The following PRKG1 variants were observed in gnomAD, a reference collection of about 807,000 sequenced individuals.
PRKG1 encodes the protein cGMP-dependent protein kinase 1.
In PRKG1, 35 loss-of-function variants were observed where a neutral mutation model predicts 88.1. That is an observed-to-expected ratio of 0.40 (90% CI 0.30 to 0.53). The LOEUF (loss-of-function observed/expected upper bound fraction) is 0.53, where lower values mean the gene tolerates loss of function less well. PRKG1 is among the 20% of genes least tolerant of loss of function. The pLI is 0.59. For missense variants in PRKG1, 540 were observed against 839.8 expected, an observed-to-expected ratio of 0.64 and a Z score of 4.41; for synonymous variants, 303 against 292.5, an observed-to-expected ratio of 1.04 and a Z score of -0.37.
intron 2 of PRKG1, among the ~76,000 whole-genome samples, chr10:51,182,201 T>C (rs1036228699): frequency 6.6e-6 from 1 of 152,176 alleles, no homozygotes; most frequent in Non-Finnish European, 1.5e-5. Context: ...TTGAGTTATG[T>C]TTTTGTGTGT....
intron 1 of PRKG1, among the ~76,000 whole-genome samples, chr10:51,109,107 T>C (rs1029395620): frequency 2.0e-5 from 3 of 152,032 alleles, no homozygotes; most frequent in Admixed American, 6.6e-5. Flanking sequence ...TAAATGGAAA[T>C]ATAAAATACA....
chr10:51,478,370 A>G (rs1274017739), intron 3 of PRKG1, among the ~76,000 whole-genome samples: 2 of 152,098 alleles, frequency 1.3e-5, no homozygotes, highest in Non-Finnish European at 2.9e-5. Flanking sequence ...TGAATCTATA[A>G]TCACCACATT....
chr10:51,158,542 C>G (rs1307696507), intron 2 of PRKG1, among the ~76,000 whole-genome samples: 1 of 151,934 alleles, frequency 6.6e-6, no homozygotes, highest in Non-Finnish European at 1.5e-5. Flanking sequence ...AAAAAAAATT[C>G]AAGATATTTC....
chr10:51,679,500 A>T (rs1453717129), intron 3 of PRKG1, among the ~76,000 whole-genome samples: 1 of 151,948 alleles, frequency 6.6e-6, no homozygotes, highest in Non-Finnish European at 1.5e-5. Context: ...AGAAATCTGA[A>T]CTTTTCATTT....
At chr10:51,841,549 T>C (rs938462630) in intron 4 of PRKG1, among the ~76,000 whole-genome samples, 1 of 152,162 alleles carries the variant, frequency 6.6e-6, no homozygotes, top group East Asian at 1.9e-4. Context: ...TAAAAATGCA[T>C]AAGATTTTTA....
chr10:51,733,751 C>T (rs567751558), intron 3 of PRKG1, among the ~76,000 whole-genome samples: 2 of 152,150 alleles, frequency 1.3e-5, no homozygotes, highest in Admixed American at 6.5e-5. Flanking sequence ...AATGGGTGAG[C>T]TGCCAACAGT....
rs149482214 is a variant in PRKG1 at position 51,334,745 on chromosome 10, C to G, written c.479-132978C>G. ...GAGAGAGGGTAAAGGAGGGAACCAG[C>G]AGTTATTGCTTTCACAGAAACAATA... On this transcript the variant is annotated intron_variant, in intron 2 of 17. Transcript: ENST00000373980. 1.5e-3 allele frequency among the ~76,000 whole-genome samples: 233 copies of G among 152,170 alleles called. 3 individuals are homozygous for G. In the East Asian group the frequency reaches 0.025, roughly 16 times the overall value.
At chr10:51,593,480 C>A (rs1838363624) in intron 3 of PRKG1, among the ~76,000 whole-genome samples, 1 of 152,116 alleles carries the variant, frequency 6.6e-6, no homozygotes. Flanking sequence ...GTGTTGAGTG[C>A]ATGCCTGTTG....
chr10:51,707,584 T>C (rs980606561), intron 3 of PRKG1, among the ~76,000 whole-genome samples: 1 of 147,220 alleles, frequency 6.8e-6, no homozygotes, highest in Non-Finnish European at 1.5e-5. Flanking sequence ...GAACAACGCA[T>C]GAATCTTTTT....
intron 4 of PRKG1, among the ~76,000 whole-genome samples, chr10:51,805,024 C>CA (rs1839268125): frequency 6.6e-6 from 1 of 151,668 alleles, no homozygotes; most frequent in South Asian, 2.1e-4. Context: ...TGTGCTTGAA[C>CA]AAAAAAGGAT....
intron 9 of PRKG1, among the ~76,000 whole-genome samples, chr10:52,239,486 AAAAAAT>A (rs899264153): frequency 1.4e-5 from 2 of 147,288 alleles, no homozygotes; most frequent in East Asian, 2.0e-4. Context: ...TATATGAGGA[AAAAAAT>A]AAAAATAAAA....
chr10:51,289,887 G>T (rs895377689), intron 2 of PRKG1, among the ~76,000 whole-genome samples: 1 of 152,140 alleles, frequency 6.6e-6, no homozygotes, highest in Non-Finnish European at 1.5e-5. Flanking sequence ...ATTTCACTCT[G>T]CAGCTTTAAA....
At chr10:51,696,699 A>C (rs1247741183) in intron 3 of PRKG1, 2 of 149,656 alleles carry the variant, frequency 1.3e-5, no homozygotes, top group Non-Finnish European at 3.0e-5. Flanking sequence ...TTCTAATACA[A>C]GTTAACTCCT....
intron 2 of PRKG1, among the ~76,000 whole-genome samples, chr10:51,191,157 T>C (rs969555131): frequency 1.1e-4 from 17 of 151,800 alleles, no homozygotes; most frequent in Non-Finnish European, 2.4e-4. Context: ...AAAATATTAG[T>C]CCTCAAACTA....
intron 7 of PRKG1, among the ~76,000 whole-genome samples, chr10:52,120,440 C>T (rs976501325): frequency 1.1e-4 from 16 of 152,148 alleles, no homozygotes; most frequent in Non-Finnish European, 2.2e-4. Context: ...ATGGATGAGA[C>T]TCAAGGCATG....
At chr10:51,947,607 C>A (rs1200917553) in intron 5 of PRKG1, among the ~76,000 whole-genome samples, 4 of 152,188 alleles carry the variant, frequency 2.6e-5, no homozygotes, top group African/African-American at 4.8e-5. Flanking sequence ...GCCATCTTGG[C>A]TCCCCTCCTG....
At chr10:51,899,403 A>G (rs1037914320) in intron 4 of PRKG1, among the ~76,000 whole-genome samples, 18 of 151,856 alleles carry the variant, frequency 1.2e-4, no homozygotes, top group Non-Finnish European at 1.9e-4. Context: ...TAAGTTTACA[A>G]TTATACATCT....
chr10:51,096,723 G>A (rs1280468967), intron 1 of PRKG1, among the ~76,000 whole-genome samples: 3 of 152,132 alleles, frequency 2.0e-5, no homozygotes, highest in African/African-American at 7.2e-5. Context: ...TCTGTTAGGA[G>A]AATTACACAA....
At chr10:51,728,583 G>T (rs1425600924) in intron 3 of PRKG1, among the ~76,000 whole-genome samples, 1 of 150,866 alleles carries the variant, frequency 6.6e-6, no homozygotes, top group Non-Finnish European at 1.5e-5. Flanking sequence ...ATCTCAGAAG[G>T]GTTGTTATAA....
Sources: allele counts gnomAD v4.1 joint callset (sites outside exome capture counted in the v4.1 genomes callset), GRCh38; gene constraint gnomAD v4.1.1; transcripts MANE v1.5; gene names NCBI Gene and HGNC (gene_info 2026-07-23, HGNC 2026-07-21).